The following GALNT13 variants were observed in gnomAD, a reference collection of about 807,000 sequenced individuals.
GALNT13 encodes polypeptide N-acetylgalactosaminyltransferase 13, also known as UDP-GalNAc:polypeptide N-acetylgalactosaminyltransferase 13.
GALNT13 carries 28 observed loss-of-function variants against 64.2 expected under a neutral mutation model. The observed-to-expected ratio is 0.44, with a 90% confidence interval of 0.32 to 0.60. GALNT13 has a LOEUF of 0.60. Among genes scored for constraint, GALNT13 ranks in the 20% least tolerant of loss-of-function variants. The pLI, the probability that GALNT13 is intolerant of heterozygous loss-of-function variation, is 0.05. For synonymous variants in GALNT13, 214 were observed against 224.6 expected, an observed-to-expected ratio of 0.95 and a Z score of 0.42; for missense variants, 577 against 669.8, an observed-to-expected ratio of 0.86 and a Z score of 1.53.
intron 4 of GALNT13, among the ~76,000 whole-genome samples, chr2:154,145,118 A>ATATATG (rs1366908979): frequency 7.1e-6 from 1 of 141,640 alleles, no homozygotes; most frequent in African/African-American, 2.5e-5. Flanking sequence ...ATATATATAT[A>ATATATG]TACACACACT....
At chr2:153,445,164 T>C in the GALNT13 span, among the ~76,000 whole-genome samples, 3 of 152,172 alleles carry the variant, frequency 2.0e-5, no homozygotes, top group Admixed American at 2.0e-4. Context: ...GAATATCTTT[T>C]CAAATACTTA....
the GALNT13 span, among the ~76,000 whole-genome samples, chr2:153,564,597 T>G: frequency 7.4e-4 from 112 of 151,766 alleles, 2 homozygotes; most frequent in Middle Eastern, 3.4e-3. Context: ...AGGATTAGTT[T>G]TTTTTTTTTT....
chr2:154,410,797 C>T (rs920491608), intron 11 of GALNT13, among the ~76,000 whole-genome samples: 1 of 151,858 alleles, frequency 6.6e-6, no homozygotes, highest in East Asian at 1.9e-4. Context: ...TTTAAAGAAA[C>T]ACTACTTATG....
chr2:154,246,924 G>T (rs1295521724), intron 7 of GALNT13, among the ~76,000 whole-genome samples: 2 of 152,140 alleles, frequency 1.3e-5, no homozygotes, highest in East Asian at 3.9e-4. Flanking sequence ...ACTTAAAGTT[G>T]CAACAACATT....
At chr2:154,262,021 T>C (rs920665318) in intron 8 of GALNT13, among the ~76,000 whole-genome samples, 2 of 152,156 alleles carry the variant, frequency 1.3e-5, no homozygotes, top group Non-Finnish European at 2.9e-5. Context: ...TTGATCGCTG[T>C]ACTTAAAGAC....
At chr2:153,951,288 TA>T (rs1692162961) in intron 3 of GALNT13, among the ~76,000 whole-genome samples, 1 of 152,106 alleles carries the variant, frequency 6.6e-6, no homozygotes, top group African/African-American at 2.4e-5. Flanking sequence ...TGAATGGACT[TA>T]AAAATCAAAG....
chr2:153,228,376 AT>A, the GALNT13 span, among the ~76,000 whole-genome samples: 1 of 152,198 alleles, frequency 6.6e-6, no homozygotes, highest in Non-Finnish European at 1.5e-5. Context: ...AAATGCCTGC[AT>A]TTAATTTTTT....
chr2:154,317,058 CAA>C (rs1694356438), intron 9 of GALNT13, among the ~76,000 whole-genome samples: 1 of 151,968 alleles, frequency 6.6e-6, no homozygotes, highest in African/African-American at 2.4e-5. Context: ...ACTAAAAATA[CAA>C]AAGTTAGCTG....
the GALNT13 span, among the ~76,000 whole-genome samples, chr2:153,465,397 G>A: frequency 6.6e-6 from 1 of 151,512 alleles, no homozygotes; most frequent in South Asian, 2.1e-4. Context: ...TTGTTCTCAA[G>A]CCTTGTGATA....
the GALNT13 span, among the ~76,000 whole-genome samples, chr2:153,759,127 C>T: frequency 2.6e-5 from 4 of 152,100 alleles, no homozygotes; most frequent in Non-Finnish European, 5.9e-5. Flanking sequence ...AGAAACACTA[C>T]TGACTTTTAT....
chr2:154,282,057 C>T (rs1691990413), intron 8 of GALNT13, among the ~76,000 whole-genome samples: 1 of 152,130 alleles, frequency 6.6e-6, no homozygotes, highest in Non-Finnish European at 1.5e-5. Flanking sequence ...GATAATTGGA[C>T]ATTTTAGAAG....
At chr2:153,794,085 C>T in the GALNT13 span, among the ~76,000 whole-genome samples, 1 of 152,072 alleles carries the variant, frequency 6.6e-6, no homozygotes, top group Non-Finnish European at 1.5e-5. Flanking sequence ...AGTTTAGTTA[C>T]ATTTTAGTCT....
the GALNT13 span, among the ~76,000 whole-genome samples, chr2:153,482,794 A>C: frequency 6.7e-6 from 1 of 148,502 alleles, no homozygotes; most frequent in African/African-American, 2.5e-5. Flanking sequence ...TAAATCCTCT[A>C]TGTACCTCAT....
chr2:154,023,324 T>A (rs1697676887), intron 3 of GALNT13, among the ~76,000 whole-genome samples: 1 of 152,118 alleles, frequency 6.6e-6, no homozygotes, highest in Admixed American at 6.5e-5. Context: ...TGTGTGGGAG[T>A]ATAAGTCTCT....
chr2:153,208,369 A>G, the GALNT13 span, among the ~76,000 whole-genome samples: 1 of 152,186 alleles, frequency 6.6e-6, no homozygotes, highest in Non-Finnish European at 1.5e-5. Flanking sequence ...TATTTTCCAG[A>G]AAGTCATTTA....
the GALNT13 span, among the ~76,000 whole-genome samples, chr2:153,408,143 A>T: frequency 6.6e-6 from 1 of 152,214 alleles, no homozygotes; most frequent in East Asian, 1.9e-4. Flanking sequence ...ATAGGTTACC[A>T]GAAGAAGGTG....
At chr2:153,717,557 A>T in the GALNT13 span, among the ~76,000 whole-genome samples, 2 of 152,250 alleles carry the variant, frequency 1.3e-5, no homozygotes, top group Non-Finnish European at 2.9e-5. Context: ...TTCAAAAATT[A>T]TGTCAACGTT....
the GALNT13 span, among the ~76,000 whole-genome samples, chr2:153,565,416 A>G: frequency 2.6e-5 from 4 of 152,238 alleles, no homozygotes; most frequent in East Asian, 1.9e-4. Context: ...TCTTGTGTGT[A>G]ATATCTTTTG....
At chr2:153,744,085 C>T in the GALNT13 span, among the ~76,000 whole-genome samples, 4 of 152,098 alleles carry the variant, frequency 2.6e-5, no homozygotes, top group Admixed American at 2.6e-4. Context: ...TGTTGATGGA[C>T]ACTTAGGTTG....
Sources: gnomAD v4.1 joint callset for allele counts (sites outside exome capture counted in the v4.1 genomes callset) on GRCh38, gnomAD v4.1.1 for gene constraint, MANE v1.5 for transcripts, NCBI Gene and HGNC (gene_info 2026-07-23, HGNC 2026-07-21) for gene names.